NFATC2: variants seen among roughly 807,000 people sequenced by gnomAD.
NFATC2 encodes nuclear factor of activated T cells 2.
A neutral mutation model predicts 87.3 loss-of-function variants in NFATC2; 22 were observed. The observed-to-expected ratio is 0.25, with a 90% confidence interval of 0.18 to 0.36. The LOEUF is 0.36. Among genes scored for constraint, NFATC2 ranks in the 10% least tolerant of loss-of-function variants. The pLI is 1.00. For missense variants in NFATC2, 1,149 were observed against 1,259.1 expected (o/e 0.91, Z 1.32); for synonymous variants, 565 against 542.2 (o/e 1.04, Z -0.58).
chr20:51,421,878 T>C (rs201245830), intron 9 of NFATC2, among the ~76,000 whole-genome samples: 1 of 152,126 alleles, frequency 6.6e-6, no homozygotes, highest in African/African-American at 2.4e-5. Flanking sequence ...CTCAATCCAG[T>C]TGGGGAGAGG....
At chr20:51,526,200 T>C (rs1463148330) in intron 1 of NFATC2, among the ~76,000 whole-genome samples, 1 of 152,086 alleles carries the variant, frequency 6.6e-6, no homozygotes, top group African/African-American at 2.4e-5. Context: ...GGTATCTGTT[T>C]AGGGAATCTC....
chr20:51,457,990 A>G (rs1986753264), intron 5 of NFATC2, among the ~76,000 whole-genome samples: 2 of 149,696 alleles, frequency 1.3e-5, no homozygotes, highest in African/African-American at 4.9e-5. Flanking sequence ...GGCTCAAGTG[A>G]TCCTCCCACC....
At position 51,483,871 on chromosome 20, in the gene NFATC2, G is replaced by A. The variant is rs534759317; in HGVS notation, c.1333-8211C>T. On this transcript the variant is annotated intron_variant, in intron 3 of 10. Coordinates refer to ENST00000371564, the MANE Select transcript of NFATC2 (RefSeq NM_012340.5). ...ACTCTAGTGCCCTGGTCAAAGAGGGGGCCCAGTCTCCTTACCCACCCCTCT... is the reference window on the plus strand; with the variant it reads ...ACTCTAGTGCCCTGGTCAAAGAGGGAGCCCAGTCTCCTTACCCACCCCTCT... 7.9e-5 allele frequency among the ~76,000 whole-genome samples: 12 copies of A among 151,872 alleles called. No homozygotes were observed. In the East Asian group the frequency reaches 1.6e-3, roughly 20 times the overall value.
chr20:51,398,651 T>C lies in NFATC2; in HGVS notation c.*36A>G, dbSNP rs777467228. ...CAGAAGATATCGATTACCTTTAACT[T>C]TGATTTCTCGGATCAAAGATCACAG... On this transcript the variant is annotated 3_prime_UTR_variant, in exon 10 of 11. Coordinates refer to ENST00000371564, the MANE Select transcript of NFATC2 (RefSeq NM_012340.5). 1.9e-6 allele frequency: 3 copies of C among 1,607,196 alleles called. No individual in the cohort carries two copies. In the East Asian group the frequency reaches 6.7e-5, roughly 36 times the overall value.
intron 5 of NFATC2, among the ~76,000 whole-genome samples, chr20:51,464,308 C>T (rs1987453350): frequency 6.6e-6 from 1 of 152,252 alleles, no homozygotes; most frequent in Non-Finnish European, 1.5e-5. Context: ...GTGTGAGACA[C>T]ACACGCATTT....
At chr20:51,483,824 C>G (rs1217568627) in intron 3 of NFATC2, among the ~76,000 whole-genome samples, 1 of 152,070 alleles carries the variant, frequency 6.6e-6, no homozygotes, top group Non-Finnish European at 1.5e-5. Context: ...AAATTTGCCA[C>G]CTGTGACTCT....
chr20:51,391,597 C>G, intron 10 of NFATC2, 146 bp from the exon 11 acceptor site: 1 of 848,030 alleles, frequency 1.2e-6, no homozygotes, highest in Non-Finnish European at 1.9e-6. Context: ...GGCTGGAGTG[C>G]AATGGCATGA....
At chr20:51,405,516 T>C (rs1195298609) in intron 9 of NFATC2, among the ~76,000 whole-genome samples, 1 of 152,224 alleles carries the variant, frequency 6.6e-6, no homozygotes, top group African/African-American at 2.4e-5. Flanking sequence ...CAAGCTTTCA[T>C]AGGCACTGCC....
chr20:51,544,629 C>T (rs73263761), upstream of NFATC2, among the ~76,000 whole-genome samples: 3,055 of 152,294 alleles, frequency 0.02, 101 homozygotes, highest in African/African-American at 0.069. Context: ...CAGTTATGAA[C>T]GGGGTTTTCA....
At chr20:51,500,176 A>C (rs914878820) in intron 3 of NFATC2, among the ~76,000 whole-genome samples, 3 of 152,162 alleles carry the variant, frequency 2.0e-5, no homozygotes, top group African/African-American at 7.2e-5. Context: ...TAAAATGATA[A>C]CCAGAGCCCT....
At chr20:51,532,863 A>T (rs960452604) in intron 1 of NFATC2, among the ~76,000 whole-genome samples, 1 of 152,184 alleles carries the variant, frequency 6.6e-6, no homozygotes, top group Non-Finnish European at 1.5e-5. Flanking sequence ...GCAGAGGCAA[A>T]TGGAGCTTTC....
At chr20:51,428,577 G>A (rs148890882) in intron 9 of NFATC2, among the ~76,000 whole-genome samples, 32 of 152,290 alleles carry the variant, frequency 2.1e-4, no homozygotes, top group Admixed American at 7.2e-4. Context: ...ATGAGGGAGC[G>A]GGGTGGAATG....
chr20:51,562,489 G>T lies in NFATC2; in HGVS notation c.70+71C>A. The T allele has an allele frequency of 1.5e-6, 2 of 1,361,504 alleles. No homozygotes were observed. Among genetic ancestry groups the T allele is most frequent in the South Asian group, 1.3e-5 (1 of 76,892 alleles). 84.3% of individuals were successfully genotyped at this position (1,361,504 alleles called of 1,614,324 possible). On this transcript the variant is annotated intron_variant, in intron 1 of 10. Transcript: ENST00000414705. The surrounding 1 kb of genome is among the most constrained non-coding windows in gnomAD (Gnocchi z 5.8). The stretch of plus-strand genomic sequence containing the variant: ...CTGCCGGGAGCTGAAAGTGCTGCCC[G>T]GGACGGGAGCAGCAGGAAAGGGCCG...
chr20:51,534,124 T>G (rs964381162), intron 1 of NFATC2, among the ~76,000 whole-genome samples: 2 of 152,142 alleles, frequency 1.3e-5, no homozygotes, highest in African/African-American at 4.8e-5. Flanking sequence ...CCCCTGGAGA[T>G]AGCTACTCCG....
upstream of NFATC2, among the ~76,000 whole-genome samples, chr20:51,543,545 A>G (rs2076858613): frequency 6.6e-6 from 1 of 152,160 alleles, no homozygotes; most frequent in African/African-American, 2.4e-5. Flanking sequence ...ACAGAGCCAG[A>G]GCTCGAAGGG....
At chr20:51,413,084 A>T (rs1037223457) in intron 9 of NFATC2, among the ~76,000 whole-genome samples, 1 of 147,900 alleles carries the variant, frequency 6.8e-6, no homozygotes, top group Admixed American at 6.8e-5. Context: ...AATCCTTTCC[A>T]TGGCACTCGG....
chr20:51,447,067 C>A (rs3787205), intron 6 of NFATC2, among the ~76,000 whole-genome samples: 1 of 136,684 alleles, frequency 7.3e-6, no homozygotes, highest in Non-Finnish European at 1.6e-5. Flanking sequence ...CACAAATTCA[C>A]GGAAAAATAC....
chr20:51,551,944 A>G (rs569793010), intron 1 of NFATC2, among the ~76,000 whole-genome samples: 72 of 152,042 alleles, frequency 4.7e-4, no homozygotes, highest in South Asian at 3.3e-3. Flanking sequence ...GGAGAATGGC[A>G]TGAACCTGGG....
At chr20:51,544,037 G>C (rs528559588), upstream of NFATC2, among the ~76,000 whole-genome samples, 1 of 130,308 alleles carries the variant, frequency 7.7e-6, no homozygotes, top group African/African-American at 2.9e-5. Flanking sequence ...GCCCAGGCTG[G>C]AGTGCAGTGG....
Sources: gnomAD v4.1 joint callset for allele counts (sites outside exome capture counted in the v4.1 genomes callset) on GRCh38, gnomAD v4.1.1 for gene constraint, Gnocchi (gnomAD v3.1) non-coding constraint, MANE v1.5 for transcripts, NCBI Gene and HGNC (gene_info 2026-07-23, HGNC 2026-07-21) for gene names.